APOBEC1: variants seen among roughly 807,000 people sequenced by gnomAD.
APOBEC1 encodes C->U-editing enzyme APOBEC-1.
In APOBEC1, 22 loss-of-function variants were observed where a neutral mutation model predicts 26.3. That is an observed-to-expected ratio of 0.84 (90% CI 0.60 to 1.19). The LOEUF (loss-of-function observed/expected upper bound fraction) is 1.19. APOBEC1 is among the 50% of genes most tolerant of loss of function. The probability of loss-of-function intolerance (pLI) is 0.00; values close to 1 mark genes in which losing one functional copy is unlikely to be tolerated. For synonymous variants in APOBEC1, 77 were observed against 95.3 expected, an observed-to-expected ratio of 0.81 and a Z score of 1.12; for missense variants, 253 against 289.0, an observed-to-expected ratio of 0.88 and a Z score of 0.90.
At chr12:7,666,429 G>A (rs1405962895), upstream of APOBEC1, among the ~76,000 whole-genome samples, 1 of 151,870 alleles carries the variant, frequency 6.6e-6, no homozygotes, top group African/African-American at 2.4e-5. Flanking sequence ...GAGTAGCTGG[G>A]ATTACAGGCG....
chr12:7,668,029 T>C (rs1863915092), upstream of APOBEC1, among the ~76,000 whole-genome samples: 2 of 151,944 alleles, frequency 1.3e-5, no homozygotes, highest in South Asian at 4.2e-4. Flanking sequence ...TTGTCGTTAA[T>C]TAAAAATCTT....
At chr12:7,658,183 C>T (rs1436834542) in intron 1 of APOBEC1, among the ~76,000 whole-genome samples, 2 of 152,120 alleles carry the variant, frequency 1.3e-5, no homozygotes, top group African/African-American at 4.8e-5. Flanking sequence ...CGTGCCTGAG[C>T]CTCCCAAGTA....
intron 1 of APOBEC1, among the ~76,000 whole-genome samples, chr12:7,659,984 T>A (rs1335658185): frequency 6.7e-6 from 1 of 149,994 alleles, no homozygotes; most frequent in African/African-American, 2.5e-5. Context: ...AATAAATAAA[T>A]AAAATAAAAT....
chr12:7,658,036 T>G (rs1262401638), intron 1 of APOBEC1, among the ~76,000 whole-genome samples: 1 of 142,990 alleles, frequency 7.0e-6, no homozygotes, highest in African/African-American at 2.5e-5. Flanking sequence ...ACCTGGAAAT[T>G]GATTTGTTCT....
At chr12:7,655,562 C>G (rs1366499848) in intron 1 of APOBEC1, among the ~76,000 whole-genome samples, 1 of 151,682 alleles carries the variant, frequency 6.6e-6, no homozygotes, top group East Asian at 1.9e-4. Flanking sequence ...TGTTATGACA[C>G]GATGGGTAGA....
chr12:7,665,496 C>T (rs1375313371), intron 1 of APOBEC1, among the ~76,000 whole-genome samples: 1 of 151,902 alleles, frequency 6.6e-6, no homozygotes, highest in East Asian at 1.9e-4. Context: ...TAGGGTTTCA[C>T]CATGTTGGCC....
upstream of APOBEC1, among the ~76,000 whole-genome samples, chr12:7,666,295 C>CT (rs150651951): frequency 1.3e-4 from 19 of 148,608 alleles, no homozygotes; most frequent in East Asian, 3.9e-4. Flanking sequence ...ATGCATCATT[C>CT]TTTTTTTTTT....
Position 7,652,819 on chromosome 12 carries a change from A to G in APOBEC1, c.61T>C (p.Trp21Arg), listed in dbSNP as rs767765861. 30 of 1,589,472 alleles carry G rather than the reference A, an allele frequency of 1.9e-5. No homozygotes were observed. The highest frequency in any genetic ancestry group is 2.7e-5 in the African/African-American group (2 of 73,714). ...GGGTCATAGAAGACGTCAAACTCCC[A>G]GGGTTCGATTCTTCTCCTGAAATAC... ...DPTLRRRIEP[W>R]EFDVFYDPRE... Residue 21 changes from tryptophan (W) to arginine (R), a missense_variant, in exon 3 of 5, where the codon TGG becomes CGG. By Grantham distance (101) the Trp-to-Arg change is moderately radical. Coordinates refer to ENST00000229304, the MANE Select transcript of APOBEC1 (RefSeq NM_001644.5).
At chr12:7,661,021 G>A (rs1426221348) in intron 1 of APOBEC1, among the ~76,000 whole-genome samples, 18 of 136,046 alleles carry the variant, frequency 1.3e-4, no homozygotes, top group Admixed American at 7.0e-4. Context: ...GTGAAATCCC[G>A]TCTGTACTAA....
In APOBEC1 at chr12:7,659,507, G is replaced by A. The variant is rs1025433830; in HGVS notation, c.17-4875C>T. 2.6e-5 allele frequency among the ~76,000 whole-genome samples: 4 copies of A among 151,236 alleles called. No individual in the cohort carries two copies. The East Asian group carries it at 7.8e-4, about 29-fold the overall frequency. ...ATATTCCTACACACCTATCAGAATG[G>A]CTATATGTGTGTGTATAGGTGTGCG... On this transcript the variant is annotated intron_variant, in intron 1 of 4. Transcript: ENST00000229304.
intron 1 of APOBEC1, among the ~76,000 whole-genome samples, chr12:7,658,312 T>TGC (rs1863745959): frequency 6.6e-6 from 1 of 152,134 alleles, no homozygotes; most frequent in South Asian, 2.1e-4. Flanking sequence ...GATCTGCCCC[T>TGC]CTCAGCATCT....
At chr12:7,667,005 A>G (rs896225745), upstream of APOBEC1, among the ~76,000 whole-genome samples, 17 of 150,088 alleles carry the variant, frequency 1.1e-4, no homozygotes, top group African/African-American at 3.4e-4. Flanking sequence ...TCTGCCTCCC[A>G]GGTTCAAGTG....
At chr12:7,666,793 C>G (rs772774461), upstream of APOBEC1, among the ~76,000 whole-genome samples, 2 of 152,004 alleles carry the variant, frequency 1.3e-5, no homozygotes, top group Non-Finnish European at 2.9e-5. Flanking sequence ...GGGAGGGGAG[C>G]TATTAGATAC....
chr12:7,654,342 G>A (rs1340017745), intron 2 of APOBEC1, among the ~76,000 whole-genome samples: 3 of 146,058 alleles, frequency 2.1e-5, no homozygotes, highest in African/African-American at 7.5e-5. Flanking sequence ...AAGAGAAAAG[G>A]AACAATAAAG....
At chr12:7,667,536 A>C (rs953638991), upstream of APOBEC1, among the ~76,000 whole-genome samples, 5 of 152,204 alleles carry the variant, frequency 3.3e-5, no homozygotes, top group Middle Eastern at 3.2e-3. Flanking sequence ...GTTTTGAAGA[A>C]GGGGCAGAAA....
intron 4 of APOBEC1, 92 bp from the exon 5 acceptor site, chr12:7,649,788 G>A (rs1016829437): frequency 4.8e-6 from 5 of 1,050,770 alleles, no homozygotes; most frequent in Admixed American, 5.3e-5. Flanking sequence ...TCAGTTGGAA[G>A]ACGATTTAAC....
chr12:7,651,167 T>C (rs747133733), intron 3 of APOBEC1, 26 bp from the exon 4 acceptor site: 1 of 1,498,440 alleles, frequency 6.7e-7, no homozygotes, highest in Admixed American at 1.7e-5. Context: ...TCTTGGCTCA[T>C]TCAACAAGCA....
intron 1 of APOBEC1, among the ~76,000 whole-genome samples, chr12:7,660,533 G>A (rs775279503): frequency 1.8e-4 from 27 of 150,744 alleles, no homozygotes; most frequent in African/African-American, 5.6e-4. Flanking sequence ...GTGAAACCCC[G>A]TCTCTAATAA....
intron 3 of APOBEC1, among the ~76,000 whole-genome samples, 175 bp downstream of exon 3, chr12:7,652,263 T>C (rs1045146700): frequency 1.1e-4 from 17 of 151,952 alleles, no homozygotes; most frequent in African/African-American, 4.1e-4. Context: ...TAGCCAGGAG[T>C]TGTATTTTTG....
Sources: allele counts gnomAD v4.1 joint callset (sites outside exome capture counted in the v4.1 genomes callset), GRCh38; gene constraint gnomAD v4.1.1; transcripts MANE v1.5; gene names NCBI Gene and HGNC (gene_info 2026-07-23, HGNC 2026-07-21).